The following BCL2 variants were observed in gnomAD, a reference collection of about 807,000 sequenced individuals.
BCL2 encodes BCL2 apoptosis regulator, also known as apoptosis regulator Bcl-2.
In BCL2, 1 loss-of-function variant was observed where a neutral mutation model predicts 14.2. The observed-to-expected ratio is 0.07, with a 90% confidence interval of 0.02 to 0.33. The LOEUF (loss-of-function observed/expected upper bound fraction) is 0.33. Ranked by LOEUF, BCL2 falls within the 10% of genes least tolerant of loss-of-function variation. The pLI is 0.99. For synonymous variants in BCL2, 151 were observed against 137.2 expected (o/e 1.10, Z -0.70); for missense variants, 247 against 305.9 (o/e 0.81, Z 1.44).
At chr18:63,263,579 C>T (rs186873724) in intron 2 of BCL2, among the ~76,000 whole-genome samples, 7 of 152,252 alleles carry the variant, frequency 4.6e-5, no homozygotes, top group East Asian at 3.9e-4. Context: ...CTGTTTCTCC[C>T]GTTTCTAGTT....
At position 63,275,463 on chromosome 18, in the gene BCL2, T is replaced by C. The variant is rs1239018847; in HGVS notation, c.585+42619A>G. On this transcript the variant is annotated intron_variant, in intron 2 of 2. Coordinates refer to ENST00000333681, the MANE Select transcript of BCL2 (RefSeq NM_000633.3). ...ACCAAACCTCTCAGTGGCCAAAGGA[T>C]GGAAGAGAACTTGGAATGGGTGTTT... 3.3e-5 allele frequency among the ~76,000 whole-genome samples: 5 copies of C among 152,138 alleles called. No individual in the cohort carries two copies. The East Asian group carries it at 9.6e-4, about 29-fold the overall frequency.
intron 2 of BCL2, among the ~76,000 whole-genome samples, chr18:63,135,071 A>G (rs1599200433): frequency 6.6e-6 from 1 of 152,250 alleles, no homozygotes; most frequent in Non-Finnish European, 1.5e-5. Context: ...CTCTTTTTTT[A>G]AATAGGTGAG....
chr18:63,289,102 C>CT (rs529564936), intron 2 of BCL2, among the ~76,000 whole-genome samples: 113 of 152,030 alleles, frequency 7.4e-4, no homozygotes, highest in Admixed American at 2.4e-3. Context: ...AATGTGAGGC[C>CT]TTTTTTTAAG....
intron 2 of BCL2, among the ~76,000 whole-genome samples, chr18:63,210,407 A>C (rs1909966876): frequency 6.6e-6 from 1 of 152,208 alleles, no homozygotes; most frequent in Non-Finnish European, 1.5e-5. Flanking sequence ...TAGTGCATGA[A>C]AGATTAGCTC....
chr18:63,254,283 C>G (rs915187094), intron 2 of BCL2, among the ~76,000 whole-genome samples: 2 of 147,610 alleles, frequency 1.4e-5, no homozygotes, highest in East Asian at 2.0e-4. Flanking sequence ...AGGTGGCTCA[C>G]GTCTATAATC....
In BCL2 at chr18:63,237,490, G is replaced by A. The variant is rs769123192; in HGVS notation, c.585+80592C>T. On this transcript the variant is annotated intron_variant, in intron 2 of 2. Coordinates refer to ENST00000333681, the MANE Select transcript of BCL2 (RefSeq NM_000633.3). ...AGACAGACGGACTAGGTGCCTTAAC[G>A]GGCCTGACCCTCCTCCCAAGGCATA... 8.5e-5 allele frequency among the ~76,000 whole-genome samples: 13 copies of A among 152,220 alleles called. 1 individual carries two copies. The South Asian group carries it at 1.0e-3, about 12-fold the overall frequency.
chr18:63,319,197 A>T lies in BCL2; in HGVS notation c.-310T>A, dbSNP rs1281778391. 1 of 406,134 alleles carries T rather than the reference A, an allele frequency of 2.5e-6. No homozygotes were observed. The highest frequency in any genetic ancestry group is 5.9e-5 in the East Asian group (1 of 17,050). 25.2% of individuals were successfully genotyped at this position (406,134 alleles called of 1,614,324 possible). On this transcript the variant is annotated 5_prime_UTR_variant, in exon 1 of 3. Transcript: ENST00000333681. Reference sequence around the variant, plus strand: ...ACTTGTATTTTTTAAGTACAGCATGATCCTCTGTCAAGTTTCCTTTTTGTA... The same window carrying T: ...ACTTGTATTTTTTAAGTACAGCATGTTCCTCTGTCAAGTTTCCTTTTTGTA...
intron 2 of BCL2, among the ~76,000 whole-genome samples, chr18:63,218,707 C>T (rs1413188326): frequency 7.2e-3 from 22 of 3,072 alleles, no homozygotes; most frequent in African/African-American, 0.029. Context: ...CTCCACTCAT[C>T]CCCATCCTCC....
At chr18:63,258,653 TC>T (rs1911557114) in intron 2 of BCL2, among the ~76,000 whole-genome samples, 1 of 152,162 alleles carries the variant, frequency 6.6e-6, no homozygotes, top group Admixed American at 6.5e-5. Context: ...TGCCCTCCGG[TC>T]CCCCAGATCC....
At chr18:63,224,946 A>G (rs538908120) in intron 2 of BCL2, among the ~76,000 whole-genome samples, 1 of 152,300 alleles carries the variant, frequency 6.6e-6, no homozygotes, top group South Asian at 2.1e-4. Flanking sequence ...AAGTTCTAGA[A>G]TAACAGTGAA....
At position 63,228,802 on chromosome 18, in the gene BCL2, G is replaced by A. The variant is rs2170296; in HGVS notation, c.585+89280C>T. On this transcript the variant is annotated intron_variant, in intron 2 of 2. Coordinates refer to ENST00000333681, the MANE Select transcript of BCL2 (RefSeq NM_000633.3). ...CCGCTTACTGCAACCTCCGCCTCCC[G>A]GGCTCAAGTAATTCTTGTGCCTCAG... Among the ~76,000 whole-genome samples the A allele has an allele frequency of 7.9e-3, 1,204 of 152,074 alleles. 6 individuals carry two copies. The highest frequency in any genetic ancestry group is 0.013 in the Non-Finnish European group (886 of 67,988).
intron 2 of BCL2, among the ~76,000 whole-genome samples, chr18:63,258,937 CA>C (rs1242486062): frequency 6.6e-6 from 1 of 152,200 alleles, no homozygotes; most frequent in Non-Finnish European, 1.5e-5. Flanking sequence ...GATAAAAATG[CA>C]AAACAATGCC....
chr18:63,204,590 G>C (rs1028671634), intron 2 of BCL2, among the ~76,000 whole-genome samples: 1 of 152,200 alleles, frequency 6.6e-6, no homozygotes, highest in African/African-American at 2.4e-5. Context: ...ACCCTTGGCA[G>C]ATCTCAGGCC....
intron 2 of BCL2, among the ~76,000 whole-genome samples, chr18:63,226,481 G>A (rs1316565973): frequency 2.0e-5 from 3 of 152,130 alleles, no homozygotes; most frequent in Non-Finnish European, 4.4e-5. Context: ...CATTAATAGG[G>A]AGAAGGTTGA....
Position 63,228,581 on chromosome 18 carries a change from T to C in BCL2, c.585+89501A>G, listed in dbSNP as rs1348488482. 2.0e-5 allele frequency among the ~76,000 whole-genome samples: 3 copies of C among 152,264 alleles called. No homozygotes were observed. In the East Asian group the frequency reaches 5.8e-4, roughly 29 times the overall value. The stretch of plus-strand genomic sequence containing the variant: ...AAGAGAGTAGGGACTTTCTCATTTG[T>C]TCACTACTGTATCTCCAGTGTTTAG... On this transcript the variant is annotated intron_variant, in intron 2 of 2. Coordinates refer to ENST00000333681, the MANE Select transcript of BCL2 (RefSeq NM_000633.3).
In BCL2 at chr18:63,125,389, G is replaced by A. The variant is rs1913884725; in HGVS notation, c.*3236C>T. ...CCGATGGCCATAGACCCTGTCAGCT[G>A]TCATTCTGGCCTCTCTTGCGGAGTA... is the stretch of plus-strand genomic sequence containing the variant. On this transcript the variant is annotated 3_prime_UTR_variant, in exon 3 of 3. Transcript: ENST00000333681. 1 of 224,282 alleles carries A rather than the reference G, an allele frequency of 4.5e-6. No homozygotes were observed. Among genetic ancestry groups the A allele is most frequent in the African/African-American group, 2.2e-5 (1 of 44,822 alleles). The allele number at this position is 224,282 out of a possible 1,614,324, so 13.9% of individuals were successfully genotyped here.
chr18:63,302,847 C>T, intron 2 of BCL2: 4 of 985,298 alleles, frequency 4.1e-6, no homozygotes, highest in Non-Finnish European at 4.8e-6. Flanking sequence ...ACAAGGGCAT[C>T]CTGTTCAAAT....
At chr18:63,186,779 G>T (rs1487382481) in intron 2 of BCL2, among the ~76,000 whole-genome samples, 6 of 152,110 alleles carry the variant, frequency 3.9e-5, no homozygotes, top group South Asian at 2.1e-4. Flanking sequence ...CCCTAACTGT[G>T]GTGTATATAA....
chr18:63,130,384 A>C (rs1914032523), intron 2 of BCL2, among the ~76,000 whole-genome samples: 1 of 152,186 alleles, frequency 6.6e-6, no homozygotes, highest in South Asian at 2.1e-4. Context: ...CTCTGGGGCA[A>C]GGGCTGTAGC....
Sources: gnomAD v4.1 joint callset for allele counts (sites outside exome capture counted in the v4.1 genomes callset) on GRCh38, gnomAD v4.1.1 for gene constraint, MANE v1.5 for transcripts, NCBI Gene and HGNC (gene_info 2026-07-23, HGNC 2026-07-21) for gene names.